Variants in SORCS2 observed in about 807,000 individuals in gnomAD.
The protein encoded by SORCS2 is VPS10 domain-containing receptor SorCS2.
Under a neutral mutation model 141.6 loss-of-function variants are expected in SORCS2, and 100 were observed. The observed-to-expected ratio is 0.71, with a 90% CI of 0.60 to 0.83. The LOEUF (loss-of-function observed/expected upper bound fraction) is 0.83, where lower values mean the gene tolerates loss of function less well. SORCS2 is among the 40% of genes least tolerant of loss of function. The probability of loss-of-function intolerance (pLI) is 0.00; values close to 1 mark genes in which losing one functional copy is unlikely to be tolerated. For synonymous variants in SORCS2, 789 were observed against 676.9 expected (o/e 1.17, Z -2.57); for missense variants, 1,646 against 1,560.2 (o/e 1.05, Z -0.93).
chr4:7,676,483 T>G (rs1723119573), intron 9 of SORCS2, among the ~76,000 whole-genome samples: 1 of 152,192 alleles, frequency 6.6e-6, no homozygotes, highest in African/African-American at 2.4e-5. Context: ...TAAGTTCTTG[T>G]CATGAGAAGA....
intron 1 of SORCS2, among the ~76,000 whole-genome samples, chr4:7,389,798 A>G (rs12650714): frequency 0.27 from 41,770 of 152,052 alleles, 6,181 homozygotes; most frequent in Middle Eastern, 0.34. Flanking sequence ...GCCGGAGCTC[A>G]TGGCCAAGGG....
At chr4:7,315,507 C>T (rs1410769157) in intron 1 of SORCS2, among the ~76,000 whole-genome samples, 1 of 150,954 alleles carries the variant, frequency 6.6e-6, no homozygotes, top group East Asian at 1.9e-4. Context: ...AGGGACACCA[C>T]TGGTCCTGGA....
At chr4:7,407,977 A>G (rs1403258121) in intron 2 of SORCS2, among the ~76,000 whole-genome samples, 4 of 152,020 alleles carry the variant, frequency 2.6e-5, no homozygotes, top group African/African-American at 9.7e-5. Flanking sequence ...CATCTCCCCC[A>G]TATTTTTACT....
At chr4:7,626,026 G>A (rs1385869515) in intron 3 of SORCS2, among the ~76,000 whole-genome samples, 2 of 151,982 alleles carry the variant, frequency 1.3e-5, no homozygotes, top group Non-Finnish European at 2.9e-5. Flanking sequence ...CGCGCCTGTG[G>A]TTCCCAGCGA....
chr4:7,456,863 C>T (rs1404532314), intron 2 of SORCS2, among the ~76,000 whole-genome samples: 3 of 151,746 alleles, frequency 2.0e-5, no homozygotes, highest in Non-Finnish European at 4.4e-5. Flanking sequence ...CCCCACCCCA[C>T]CCTACCCTGG....
At chr4:7,740,049 A>AC in intron 26 of SORCS2, 151 bp from the exon 27 acceptor site, 1 of 640,676 alleles carries the variant, frequency 1.6e-6, no homozygotes, top group East Asian at 2.8e-5. Context: ...AACCGCGGAG[A>AC]CCCCCTGCAC....
At chr4:7,654,038 TG>T (rs1391176282) in intron 4 of SORCS2, 95 bp from the exon 5 acceptor site, 2 of 1,169,320 alleles carry the variant, frequency 1.7e-6, no homozygotes, top group Non-Finnish European at 2.5e-6. Context: ...TGACTTCTCC[TG>T]GGGGATCTGC....
rs138066155 is a variant in SORCS2 at position 7,395,881 on chromosome 4, C to T, written c.481-407C>T. Among the ~76,000 whole-genome samples, 218 of 152,306 alleles carry T rather than the reference C, an allele frequency of 1.4e-3. 1 individual carries two copies. Among genetic ancestry groups the T allele is most frequent in the African/African-American group, 4.8e-3 (201 of 41,558 alleles). ...AGCAGGCTTAGGGGATCCTCTAACG[C>T]GCTGGTGGAGACAGAGCCCTGTCTC... On this transcript the variant is annotated intron_variant, in intron 1 of 26. Transcript: ENST00000507866.
intron 3 of SORCS2, among the ~76,000 whole-genome samples, chr4:7,630,148 G>C (rs11723630): frequency 6.6e-6 from 1 of 151,912 alleles, no homozygotes; most frequent in Non-Finnish European, 1.5e-5. Context: ...TTGTTCATAC[G>C]CAGACTGTGA....
At chr4:7,431,582 A>C (rs1046184802) in intron 2 of SORCS2, 4 of 152,224 alleles carry the variant, frequency 2.6e-5, no homozygotes, top group Admixed American at 2.6e-4. Context: ...TCTCAGGGGA[A>C]GAGGCAGATA....
At chr4:7,380,816 T>G (rs7681193) in intron 1 of SORCS2, among the ~76,000 whole-genome samples, 70,697 of 152,232 alleles carry the variant, frequency 0.46, 18,619 homozygotes, top group East Asian at 0.88. Flanking sequence ...TTAGGTGCGG[T>G]GGCTCACGCC....
chr4:7,280,159 G>A (rs1715775529), intron 1 of SORCS2, among the ~76,000 whole-genome samples: 1 of 152,114 alleles, frequency 6.6e-6, no homozygotes. Context: ...CAAGACTCAG[G>A]CAAAGCAGCC....
At chr4:7,316,240 AT>A (rs1718544950) in intron 1 of SORCS2, among the ~76,000 whole-genome samples, 1 of 151,996 alleles carries the variant, frequency 6.6e-6, no homozygotes. Context: ...CCATCCATCC[AT>A]CCATCCATCC....
At chr4:7,279,211 G>A (rs1439667252) in intron 1 of SORCS2, among the ~76,000 whole-genome samples, 1 of 152,128 alleles carries the variant, frequency 6.6e-6, no homozygotes, top group Non-Finnish European at 1.5e-5. Context: ...GAATTGAATG[G>A]CTTACAAAGA....
intron 2 of SORCS2, among the ~76,000 whole-genome samples, chr4:7,404,171 G>T (rs1724815624): frequency 6.6e-6 from 1 of 151,724 alleles, no homozygotes; most frequent in African/African-American, 2.4e-5. Flanking sequence ...CAGAAGACAT[G>T]ATCTCATTCA....
intron 1 of SORCS2, among the ~76,000 whole-genome samples, chr4:7,270,289 C>T (rs1473543466): frequency 6.6e-6 from 1 of 152,266 alleles, no homozygotes; most frequent in Non-Finnish European, 1.5e-5. Context: ...CGTGTGGGTG[C>T]AGCACCCGCC....
intron 5 of SORCS2, among the ~76,000 whole-genome samples, chr4:7,658,187 CTGAG>C (rs1469321757): frequency 6.7e-6 from 1 of 149,378 alleles, no homozygotes; most frequent in African/African-American, 2.5e-5. Context: ...CTGTGATTGA[CTGAG>C]TGGTTAAATG....
intron 1 of SORCS2, among the ~76,000 whole-genome samples, chr4:7,289,231 A>T (rs1276406226): frequency 6.6e-6 from 1 of 152,010 alleles, no homozygotes; most frequent in African/African-American, 2.4e-5. Flanking sequence ...CCCTCTGCAG[A>T]TGGAGGTCTC....
chr4:7,667,195 G>C lies in SORCS2; in HGVS notation c.1143G>C (p.Pro381=). The part of the protein sequence containing the change: ...RRNEFVLMKL[P]KYALPKDLQI... ...ATGAATTTGTCCTGATGAAGCTGCC[G>C]AAGTATGCATTGCCAAAGGTAAGGT... The change falls in exon 8 of 27, where the codon CCG becomes CCC. Residue 381 remains proline (P), a synonymous_variant. Coordinates refer to ENST00000507866, the MANE Select transcript of SORCS2 (RefSeq NM_020777.3). The C allele has an allele frequency of 6.2e-7, 1 of 1,613,806 alleles. No homozygotes were observed. The highest frequency in any genetic ancestry group is 8.5e-7 in the Non-Finnish European group (1 of 1,179,764).
Sources: gnomAD v4.1 joint callset for allele counts (sites outside exome capture counted in the v4.1 genomes callset) on GRCh38, gnomAD v4.1.1 for gene constraint, MANE v1.5 for transcripts, NCBI Gene and HGNC (gene_info 2026-07-23, HGNC 2026-07-21) for gene names.